Variants in VSX2 observed in about 807,000 individuals in gnomAD.
VSX2 encodes visual system homeobox 2, also known as ceh-10 homeo domain containing homolog.
In VSX2, 28 loss-of-function variants were observed where a neutral mutation model predicts 32.1. The observed-to-expected ratio is 0.87, with a 90% confidence interval of 0.65 to 1.20. The LOEUF (loss-of-function observed/expected upper bound fraction) is 1.20. VSX2 is among the 50% of genes most tolerant of loss of function. The probability of loss-of-function intolerance (pLI) is 0.00; values close to 1 mark genes in which losing one functional copy is unlikely to be tolerated. For synonymous variants in VSX2, 243 were observed against 214.1 expected (o/e 1.14, Z -1.18); for missense variants, 506 against 488.7 (o/e 1.04, Z -0.33).
In VSX2 at chr14:74,261,680, G is replaced by A. The variant is rs1434118254; in HGVS notation, c.*761G>A. Reference sequence around the variant, plus strand: ...AGGCACCTATGTGGCATGTGGTGATGTACGCTGCGTGCCATGAGTCCATGT... The same window carrying A: ...AGGCACCTATGTGGCATGTGGTGATATACGCTGCGTGCCATGAGTCCATGT... On this transcript the variant is annotated 3_prime_UTR_variant, in exon 5 of 5. Coordinates refer to ENST00000261980, the MANE Select transcript of VSX2 (RefSeq NM_182894.3). 2.0e-5 allele frequency: 3 copies of A among 152,762 alleles called. No homozygotes were observed. Among genetic ancestry groups the A allele is most frequent in the Non-Finnish European group, 4.4e-5 (3 of 68,460 alleles). 9.5% of individuals were successfully genotyped at this position (152,762 alleles called of 1,614,324 possible). A position where few individuals can be genotyped will look rare whatever the true frequency, so the allele number is the denominator to read the frequency against.
Position 74,261,031 on chromosome 14 carries a change from T to C in VSX2, c.*112T>C. On this transcript the variant is annotated 3_prime_UTR_variant, in exon 5 of 5. Transcript: ENST00000261980. ...CAGACCTGGCCTCTGCCATCCTCCC[T>C]GTTCCCCACAGGTCCTCCATCACCC... 1 of 1,307,320 alleles carries C rather than the reference T, an allele frequency of 7.6e-7. No homozygotes were observed. Among genetic ancestry groups the C allele is most frequent in the Non-Finnish European group, 1.1e-6 (1 of 941,730 alleles). The allele number at this position is 1,307,320 out of a possible 1,614,324, so 81.0% of individuals were successfully genotyped here.
intron 3 of VSX2, among the ~76,000 whole-genome samples, chr14:74,246,260 T>A (rs1305598372): frequency 6.6e-6 from 1 of 152,214 alleles, no homozygotes; most frequent in East Asian, 1.9e-4. Context: ...TGGTCCTGAC[T>A]TCCTGGAACT....
rs771709336 is a variant in VSX2 at position 74,260,762 on chromosome 14, G to A, written c.929G>A (p.Arg310Gln). Residue 310 changes from arginine (R) to glutamine (Q), a missense_variant, in exon 5 of 5, where the codon CGG becomes CAG. Transcript: ENST00000261980. ...ELRENSIAVL[R>Q]AKAQEHSTKV... ...AGGGAGAACAGCATTGCGGTGCTCC[G>A]GGCCAAAGCTCAGGAGCACAGCACC... 10 of 1,587,128 alleles carry A rather than the reference G, an allele frequency of 6.3e-6. No individual in the cohort carries two copies. The highest frequency in any genetic ancestry group is 3.4e-5 in the South Asian group (3 of 87,040).
chr14:74,250,247 A>T (rs1566886114), intron 3 of VSX2, among the ~76,000 whole-genome samples: 1 of 72,476 alleles, frequency 1.4e-5, no homozygotes, highest in Non-Finnish European at 3.3e-5. Flanking sequence ...AAAAAAAAAA[A>T]AATTTTTTTT....
At position 74,259,625 on chromosome 14, in the gene VSX2, C is replaced by T. The variant is rs1357867541; in HGVS notation, c.603C>T (p.Ala201=). ...AGGTCTGGTTCCAGAACCGTCGAGC[C>T]AAGTGGAGGAAGCGGGAGAAGTGCT... is the stretch of plus-strand genomic sequence containing the variant. The part of the protein sequence containing the change: ...RIQVWFQNRR[A]KWRKREKCWG... The change falls in exon 4 of 5, where the codon GCC becomes GCT. Residue 201 remains alanine (A), a synonymous_variant. Transcript: ENST00000261980. The T allele has an allele frequency of 3.1e-6, 5 of 1,614,060 alleles. No individual in the cohort carries two copies. The highest frequency in any genetic ancestry group is 4.2e-6 in the Non-Finnish European group (5 of 1,180,032).
chr14:74,250,758 C>T (rs1351415984), intron 3 of VSX2, among the ~76,000 whole-genome samples: 1 of 151,292 alleles, frequency 6.6e-6, no homozygotes, highest in Non-Finnish European at 1.5e-5. Flanking sequence ...AAGCAATTCT[C>T]CTGCCTCAGC....
chr14:74,260,735 T>C lies in VSX2; in HGVS notation c.902T>C (p.Leu301Pro). ...CAGGCGGCCATCTCCCAGGAGGAAC[T>C]GAGGGAGAACAGCATTGCGGTGCTC... ...DAQAAISQEE[L>P]RENSIAVLRA... The change falls in exon 5 of 5, where the codon CTG (leucine) becomes CCG (proline). Residue 301 changes from leucine to proline, a missense_variant. Physicochemically the swap from Leu to Pro is moderately conservative, Grantham distance 98 (BLOSUM62 -3). Coordinates refer to ENST00000261980, the MANE Select transcript of VSX2 (RefSeq NM_182894.3). The C allele has an allele frequency of 1.3e-6, 2 of 1,593,206 alleles. No individual in the cohort carries two copies. Among genetic ancestry groups the C allele is most frequent in the Non-Finnish European group, 1.7e-6 (2 of 1,170,176 alleles).
chr14:74,242,724 C>T (rs2079158949), intron 2 of VSX2, among the ~76,000 whole-genome samples: 2 of 151,860 alleles, frequency 1.3e-5, no homozygotes, highest in African/African-American at 4.8e-5. Context: ...GTCATCTTCC[C>T]CAGGCAGGGA....
At position 74,239,933 on chromosome 14, in the gene VSX2, T is replaced by C; in HGVS notation, c.370+2T>C. The C allele has an allele frequency of 6.4e-7, 1 of 1,561,518 alleles. No individual in the cohort carries two copies. The highest frequency in any genetic ancestry group is 8.7e-7 in the Non-Finnish European group (1 of 1,154,012). On this transcript the variant is annotated splice_donor_variant, in intron 1 of 4. Transcript: ENST00000261980. LOFTEE classifies it high-confidence loss of function. Reference sequence around the variant, plus strand: ...ACACCAGCCAGACGGCCAGCTCGGGTAGGTGAGGAGAGGTTGCGCTGCTGC... The same window carrying C: ...ACACCAGCCAGACGGCCAGCTCGGGCAGGTGAGGAGAGGTTGCGCTGCTGC...
rs1202422134 is a variant in VSX2 at position 74,260,808 on chromosome 14, TG to T, written c.978del (p.Pro327ArgfsTer102). ...HSTKVLGTVS[G>X]PDSLARSTEK... The stretch of plus-strand genomic sequence containing the variant: ...GCACCAAAGTGCTGGGGACTGTGTC[TG>T]GGCCGGACAGCCTGGCCCGGAGTAC... On this transcript the variant is annotated frameshift_variant, in exon 5 of 5. Transcript: ENST00000261980. LOFTEE classifies it high-confidence loss of function. The T allele has an allele frequency of 1.3e-6, 2 of 1,570,980 alleles. No individual in the cohort carries two copies. Among genetic ancestry groups the T allele is most frequent in the African/African-American group, 2.7e-5 (2 of 74,012 alleles).
In VSX2 at chr14:74,260,656, C is replaced by T. The variant is rs780432254; in HGVS notation, c.823C>T (p.Gln275Ter). ...ESGRKPEGER[Q>*]ALPKLDKMEQ... ...GGGGAGGAAGCCCGAGGGGGAACGC[C>T]AGGCCCTGCCCAAGCTCGACAAGAT... The change falls in exon 5 of 5, where the codon CAG becomes TAG. Residue 275 changes from glutamine (Q) to a stop codon, truncating the protein, a stop_gained. Transcript: ENST00000261980. LOFTEE classifies it high-confidence loss of function. The T allele has an allele frequency of 1.9e-6, 3 of 1,603,522 alleles. No individual in the cohort carries two copies.
At chr14:74,240,569 G>A (rs1377577635) in intron 1 of VSX2, among the ~76,000 whole-genome samples, 1 of 152,144 alleles carries the variant, frequency 6.6e-6, no homozygotes, top group Non-Finnish European at 1.5e-5. Context: ...CTGCTTTCCG[G>A]GAGGTGTGTC....
At position 74,259,693 on chromosome 14, in the gene VSX2, C is replaced by A. The variant is rs2079290761; in HGVS notation, c.671C>A (p.Ala224Asp). ...SVMAEYGLYG[A>D]MVRHSIPLPE... ...ATGGCGGAGTATGGGCTCTACGGGG[C>A]CATGGTGCGGCACTCCATCCCCCTG... Residue 224 changes from alanine (A) to aspartate (D), a missense_variant, in exon 4 of 5, where the codon GCC becomes GAC. Transcript: ENST00000261980. The A allele has an allele frequency of 6.2e-7, 1 of 1,614,084 alleles. No homozygotes were observed. Among genetic ancestry groups the A allele is most frequent in the Non-Finnish European group, 8.5e-7 (1 of 1,179,962 alleles).
At chr14:74,247,887 A>G (rs913973200) in intron 3 of VSX2, among the ~76,000 whole-genome samples, 12 of 152,000 alleles carry the variant, frequency 7.9e-5, no homozygotes, top group African/African-American at 2.9e-4. Context: ...AAGAGGGTGA[A>G]AAGCAAGTCC....
At chr14:74,245,806 T>A (rs1466309362) in intron 3 of VSX2, among the ~76,000 whole-genome samples, 1 of 151,916 alleles carries the variant, frequency 6.6e-6, no homozygotes, top group Non-Finnish European at 1.5e-5. Flanking sequence ...CACCTAAGGC[T>A]CCTTCCTCCC....
chr14:74,244,908 G>GAGAGAGAGAAAGAGAGAGAGAA (rs1555387775), intron 2 of VSX2, among the ~76,000 whole-genome samples: 2 of 111,604 alleles, frequency 1.8e-5, no homozygotes, highest in South Asian at 3.2e-4. Flanking sequence ...GTGTGTGTGT[G>GAGAGAGAGAAAGAGAGAGAGAA]TGTGTGTGTG....
intron 3 of VSX2, among the ~76,000 whole-genome samples, chr14:74,257,709 A>ACCCCCCCCCCCC (rs33974776): frequency 9.7e-5 from 13 of 133,956 alleles, no homozygotes; most frequent in East Asian, 2.6e-4. Context: ...CGCGCGGACC[A>ACCCCCCCCCCCC]CCCCCCACCC....
rs1205109093 is a variant in VSX2, at chr14:74,239,701, C to T, written c.140C>T (p.Ser47Phe). 6.5e-7 allele frequency: 1 copy of T among 1,549,684 alleles called. No homozygotes were observed. Among genetic ancestry groups the T allele is most frequent in the African/African-American group, 1.4e-5 (1 of 73,024 alleles). The change falls in exon 1 of 5, where the codon TCC (serine) becomes TTC (phenylalanine). Residue 47 changes from serine to phenylalanine, a missense_variant. Physicochemically the swap from Ser to Phe is radical, Grantham distance 155. Coordinates refer to ENST00000261980, the MANE Select transcript of VSX2 (RefSeq NM_182894.3). ...ILGLNKEPPS[S>F]HPRAALDGLA... ...GGCTTGAACAAGGAGCCCCCGAGCT[C>T]CCACCCGCGGGCAGCGCTCGACGGC...
intron 3 of VSX2, among the ~76,000 whole-genome samples, chr14:74,251,081 G>A (rs1272476073): frequency 6.6e-6 from 1 of 151,784 alleles, no homozygotes; most frequent in African/African-American, 2.4e-5. Context: ...TTGGGAGGCC[G>A]AGGCGGGTGG....
Sources: allele counts gnomAD v4.1 joint callset (sites outside exome capture counted in the v4.1 genomes callset), GRCh38; gene constraint gnomAD v4.1.1; transcripts MANE v1.5; gene names NCBI Gene and HGNC (gene_info 2026-07-23, HGNC 2026-07-21).